Variants in SPATA6 observed in about 807,000 individuals in gnomAD.
The protein encoded by SPATA6 is spermatogenesis-associated protein 6.
Under a neutral mutation model 65.3 loss-of-function variants are expected in SPATA6, and 56 were observed. The observed-to-expected ratio is 0.86, with a 90% confidence interval of 0.69 to 1.07. SPATA6 has a LOEUF of 1.07. SPATA6 is among the 50% of genes least tolerant of loss of function. The pLI is 0.00. For missense variants in SPATA6, 590 were observed against 594.8 expected, an observed-to-expected ratio of 0.99 and a Z score of 0.08; for synonymous variants, 199 against 213.2, an observed-to-expected ratio of 0.93 and a Z score of 0.58.
Position 48,330,648 on chromosome 1 carries a change from C to T in SPATA6, c.1195-24770G>A, listed in dbSNP as rs368611835. ...TAGGCTTTCCAGCCAAGTGGCCCTA[C>T]GTTTGCCTGAATGTGTTGAGGGGCA... is the stretch of plus-strand genomic sequence containing the variant. On this transcript the variant is annotated intron_variant, in intron 11 of 12. Coordinates refer to ENST00000371847, the MANE Select transcript of SPATA6 (RefSeq NM_019073.4). Among the ~76,000 whole-genome samples the T allele has an allele frequency of 1.2e-4, 19 of 152,224 alleles. No individual in the cohort carries two copies. In the East Asian group the frequency reaches 1.9e-3, roughly 15 times the overall value.
chr1:48,272,891 A>G, the SPATA6 span, among the ~76,000 whole-genome samples: 1 of 152,188 alleles, frequency 6.6e-6, no homozygotes, highest in South Asian at 2.1e-4. Context: ...AGAGATGTTG[A>G]GCAACTTTTC....
chr1:48,272,753 CTTCATACTGATT>C, the SPATA6 span, among the ~76,000 whole-genome samples: 1 of 152,050 alleles, frequency 6.6e-6, no homozygotes, highest in African/African-American at 2.4e-5. Flanking sequence ...TTTAAGTCAC[CTTCATACTGATT>C]TCCATAACGG....
chr1:48,386,116 T>C (rs1416882302), intron 8 of SPATA6, among the ~76,000 whole-genome samples: 1 of 152,208 alleles, frequency 6.6e-6, no homozygotes, highest in Non-Finnish European at 1.5e-5. Flanking sequence ...TTGATCTGTT[T>C]CATGCCTCAT....
chr1:48,296,062 T>C lies in SPATA6; in HGVS notation c.*2651A>G, dbSNP rs1440591177. 6.6e-6 allele frequency: 1 copy of C among 152,022 alleles called. No individual in the cohort carries two copies. Among genetic ancestry groups the C allele is most frequent in the African/African-American group, 2.4e-5 (1 of 41,404 alleles). 9.4% of individuals were successfully genotyped at this position (152,022 alleles called of 1,614,324 possible). A position where few individuals can be genotyped will look rare whatever the true frequency, so the allele number is the denominator to read the frequency against. On this transcript the variant is annotated 3_prime_UTR_variant, in exon 13 of 13. Transcript: ENST00000371847. ...CATTTTTCTAAATCCCAAGGTTTTT[T>C]ATGATTTAAAGAAAAAAATTAAAAA...
chr1:48,374,282 A>G (rs1647633802), intron 9 of SPATA6, among the ~76,000 whole-genome samples: 3 of 152,036 alleles, frequency 2.0e-5, no homozygotes, highest in African/African-American at 7.2e-5. Context: ...AAACCTATAC[A>G]TCAGTAAAAC....
Position 48,472,025 on chromosome 1 carries a change from G to T in SPATA6, c.-17C>A. ...CTTCGGCATCCGTGCGGGGAGGGGC[G>T]GCGGGGAGTGACCCCGGCCACGGGC... On this transcript the variant is annotated 5_prime_UTR_variant, in exon 1 of 13. Coordinates refer to ENST00000371847, the MANE Select transcript of SPATA6 (RefSeq NM_019073.4). 2 of 1,520,922 alleles carry T rather than the reference G, an allele frequency of 1.3e-6. No individual in the cohort carries two copies. The highest frequency in any genetic ancestry group is 8.8e-7 in the Non-Finnish European group (1 of 1,138,412). 94.2% of individuals were successfully genotyped at this position (1,520,922 alleles called of 1,614,324 possible).
chr1:48,285,423 T>G, the SPATA6 span, among the ~76,000 whole-genome samples: 1 of 150,038 alleles, frequency 6.7e-6, no homozygotes, highest in Admixed American at 6.7e-5. Context: ...CAGCCCCCTT[T>G]CCAGGGGAGT....
intron 3 of SPATA6, among the ~76,000 whole-genome samples, chr1:48,432,127 T>C (rs1654461299): frequency 6.6e-6 from 1 of 151,508 alleles, no homozygotes; most frequent in African/African-American, 2.4e-5. Context: ...AATAAATAAA[T>C]AATAAAAAAG....
chr1:48,341,640 T>C (rs2148764200), intron 11 of SPATA6, among the ~76,000 whole-genome samples: 1 of 152,296 alleles, frequency 6.6e-6, no homozygotes, highest in South Asian at 2.1e-4. Context: ...GTGAAAGTTC[T>C]TGACTTGGAA....
chr1:48,337,014 C>T (rs1379391075), intron 11 of SPATA6, among the ~76,000 whole-genome samples: 2 of 151,896 alleles, frequency 1.3e-5, no homozygotes, highest in Non-Finnish European at 2.9e-5. Flanking sequence ...ATAGAAGCTG[C>T]CTGAAAAAGG....
At chr1:48,378,007 C>T (rs1032196668) in intron 9 of SPATA6, among the ~76,000 whole-genome samples, 1 of 152,172 alleles carries the variant, frequency 6.6e-6, no homozygotes, top group Non-Finnish European at 1.5e-5. Context: ...GACACCAAGG[C>T]CTCAGGGTGA....
chr1:48,434,681 G>C (rs987881139), intron 3 of SPATA6, among the ~76,000 whole-genome samples: 2 of 152,080 alleles, frequency 1.3e-5, no homozygotes, highest in African/African-American at 4.8e-5. Context: ...GAGAACATCT[G>C]TGGTGCACTT....
intron 3 of SPATA6, among the ~76,000 whole-genome samples, chr1:48,445,659 CAAAAAAAA>C (rs10632587): frequency 1.9e-5 from 1 of 51,288 alleles, no homozygotes; most frequent in African/African-American, 1.2e-4. Flanking sequence ...GACTCTGTCT[CAAAAAAAA>C]AAAAAAAAAA....
At chr1:48,376,714 AT>A (rs1570368377) in intron 9 of SPATA6, among the ~76,000 whole-genome samples, 1 of 152,082 alleles carries the variant, frequency 6.6e-6, no homozygotes, top group East Asian at 1.9e-4. Context: ...TCATTAGGCG[AT>A]TTTGTCACCA....
rs371355901 is a variant in SPATA6, at chr1:48,405,640, A to T, written c.406-1758T>A. On this transcript the variant is annotated intron_variant, in intron 5 of 12. Transcript: ENST00000371847. ...TGTTCTCATGATGTGGTTCTAGTTA[A>T]TCAAAGGGGATGATCCAAGAGCAAA... Among the ~76,000 whole-genome samples, 3 of 152,300 alleles carry T rather than the reference A, an allele frequency of 2.0e-5. No individual in the cohort carries two copies. In the East Asian group the frequency reaches 5.8e-4, roughly 29 times the overall value.
chr1:48,451,555 C>T lies in SPATA6; in HGVS notation c.235G>A (p.Glu79Lys). The T allele has an allele frequency of 6.2e-7, 1 of 1,609,108 alleles. No individual in the cohort carries two copies. The highest frequency in any genetic ancestry group is 8.5e-7 in the Non-Finnish European group (1 of 1,177,974). Residue 79 changes from glutamate to lysine, a missense_variant, in exon 3 of 13, where the codon GAA (glutamate) becomes AAA (lysine). Coordinates refer to ENST00000371847, the MANE Select transcript of SPATA6 (RefSeq NM_019073.4). ...VDPGDVVTQL[E>K]YDTAVFELIQ... ...ATTAAAAAGTTAAAAAACTTACATT[C>T]AAGCTGTGTAACCACATCTCCAGGA...
chr1:48,404,478 G>T (rs1651496440), intron 5 of SPATA6, among the ~76,000 whole-genome samples: 2 of 151,910 alleles, frequency 1.3e-5, no homozygotes, highest in South Asian at 4.2e-4. Flanking sequence ...AAGTAGCTAG[G>T]ACTACAGGAT....
Position 48,297,841 on chromosome 1 carries a change from T to C in SPATA6, c.*872A>G, listed in dbSNP as rs1644842052. Reference sequence around the variant, plus strand: ...CTCACATTGTGGTTCCAAGTGTTTTTTTTTTTAAAGTGAGGATACTATAAT... The same window carrying C: ...CTCACATTGTGGTTCCAAGTGTTTTCTTTTTTAAAGTGAGGATACTATAAT... On this transcript the variant is annotated 3_prime_UTR_variant, in exon 13 of 13. Transcript: ENST00000371847. The C allele has an allele frequency of 1.3e-5, 2 of 152,144 alleles. No homozygotes were observed. The highest frequency in any genetic ancestry group is 2.4e-5 in the African/African-American group (1 of 41,444). The allele number at this position is 152,144 out of a possible 1,614,324, so 9.4% of individuals were successfully genotyped here.
the SPATA6 span, among the ~76,000 whole-genome samples, chr1:48,264,872 G>A: frequency 6.6e-6 from 1 of 152,030 alleles, no homozygotes; most frequent in African/African-American, 2.4e-5. Flanking sequence ...TAATCCTTTG[G>A]GTATATACCC....
Sources: gnomAD v4.1 joint callset for allele counts (sites outside exome capture counted in the v4.1 genomes callset) on GRCh38, gnomAD v4.1.1 for gene constraint, MANE v1.5 for transcripts, NCBI Gene and HGNC (gene_info 2026-07-23, HGNC 2026-07-21) for gene names.